Variants in MACROD2 observed in about 807,000 individuals in gnomAD.
The protein encoded by MACROD2 is mono-ADP ribosylhydrolase 2.
In MACROD2, 36 loss-of-function variants were observed where a neutral mutation model predicts 70.4. The observed-to-expected ratio is 0.51, with a 90% CI of 0.39 to 0.68. The LOEUF is 0.68. Among genes scored for constraint, MACROD2 ranks in the 30% least tolerant of loss-of-function variants. The pLI, the probability that MACROD2 is intolerant of heterozygous loss-of-function variation, is 0.00. For synonymous variants in MACROD2, 172 were observed against 178.8 expected (o/e 0.96, Z 0.30); for missense variants, 496 against 538.4 (o/e 0.92, Z 0.78).
At chr20:14,456,655 C>T (rs775249299) in intron 3 of MACROD2, among the ~76,000 whole-genome samples, 1 of 149,242 alleles carries the variant, frequency 6.7e-6, no homozygotes, top group Non-Finnish European at 1.5e-5. Flanking sequence ...CTAAAATATA[C>T]TATGCAATTC....
intron 15 of MACROD2, among the ~76,000 whole-genome samples, chr20:16,029,842 A>T (rs1601349164): frequency 1.3e-5 from 2 of 152,286 alleles, no homozygotes; most frequent in South Asian, 4.1e-4. Flanking sequence ...CCAATAACAA[A>T]TGACTAGAAC....
chr20:13,997,309 GTTACT>G (rs1218969733), intron 1 of MACROD2, among the ~76,000 whole-genome samples: 1 of 152,108 alleles, frequency 6.6e-6, no homozygotes, highest in Non-Finnish European at 1.5e-5. Context: ...TTCAGTAGTA[GTTACT>G]TTAGTTTCAA....
intron 3 of MACROD2, among the ~76,000 whole-genome samples, chr20:14,317,261 T>C (rs748372076): frequency 6.6e-6 from 1 of 152,182 alleles, no homozygotes; most frequent in African/African-American, 2.4e-5. Context: ...CATAGCACCA[T>C]GTTTTTCTCT....
intron 12 of MACROD2, among the ~76,000 whole-genome samples, chr20:15,956,633 C>T (rs927679156): frequency 3.3e-5 from 5 of 152,156 alleles, no homozygotes; most frequent in African/African-American, 1.2e-4. Context: ...GGCAATGGCT[C>T]TCAAAGAGTG....
chr20:14,674,437 C>T (rs1046289049), intron 4 of MACROD2, among the ~76,000 whole-genome samples: 4 of 152,030 alleles, frequency 2.6e-5, no homozygotes, highest in South Asian at 2.1e-4. Flanking sequence ...ATACTTGCTG[C>T]GTGCCAGACA....
At chr20:14,552,424 G>T (rs1978720921) in intron 4 of MACROD2, among the ~76,000 whole-genome samples, 1 of 151,078 alleles carries the variant, frequency 6.6e-6, no homozygotes, top group South Asian at 2.1e-4. Flanking sequence ...GCTACAAGAA[G>T]AGTAAAGTGC....
At chr20:15,438,079 C>T (rs894619586) in intron 7 of MACROD2, among the ~76,000 whole-genome samples, 1 of 151,752 alleles carries the variant, frequency 6.6e-6, no homozygotes. Flanking sequence ...TGCTGGAACC[C>T]GGGAGGTGGA....
At chr20:15,095,058 CCTCTTCTTTTTTT>C (rs1338410740) in intron 5 of MACROD2, among the ~76,000 whole-genome samples, 4 of 58,020 alleles carry the variant, frequency 6.9e-5, no homozygotes, top group South Asian at 5.5e-4. Flanking sequence ...ACTGTGGTCT[CCTCTTCTTTTTTT>C]TTTTTTTTTT....
intron 8 of MACROD2, among the ~76,000 whole-genome samples, chr20:15,787,279 A>G (rs1172594057): frequency 6.6e-6 from 1 of 152,176 alleles, no homozygotes; most frequent in African/African-American, 2.4e-5. Flanking sequence ...CTGTTGGCAT[A>G]CATAGTTTTA....
intron 8 of MACROD2, among the ~76,000 whole-genome samples, chr20:15,839,370 G>A (rs1158513171): frequency 6.6e-6 from 1 of 152,068 alleles, no homozygotes; most frequent in African/African-American, 2.4e-5. Flanking sequence ...AGTACATCCC[G>A]ATTCCTTGAC....
intron 3 of MACROD2, among the ~76,000 whole-genome samples, chr20:14,255,731 A>G (rs2122290897): frequency 6.6e-6 from 1 of 150,442 alleles, no homozygotes; most frequent in African/African-American, 2.4e-5. Flanking sequence ...ATAAAAAAGA[A>G]AATGTCATTC....
At chr20:14,470,637 T>C (rs749984626) in intron 3 of MACROD2, among the ~76,000 whole-genome samples, 6 of 152,092 alleles carry the variant, frequency 3.9e-5, no homozygotes, top group Admixed American at 3.9e-4. Context: ...TGGAGGAATC[T>C]AGAGAGGCAG....
intron 15 of MACROD2, among the ~76,000 whole-genome samples, chr20:16,038,880 A>G (rs1307076357): frequency 1.3e-5 from 2 of 151,932 alleles, no homozygotes; most frequent in African/African-American, 4.8e-5. Context: ...CTATAATTCA[A>G]TCAGGAATTG....
At chr20:15,215,252 T>TTGTGTGTGTG (rs376439581) in intron 5 of MACROD2, among the ~76,000 whole-genome samples, 120 of 135,544 alleles carry the variant, frequency 8.9e-4, no homozygotes, top group African/African-American at 2.5e-3. Context: ...CTCCTGTATT[T>TTGTGTGTGTG]TGTGTGTGTG....
chr20:14,641,456 A>C (rs1259920223), intron 4 of MACROD2, among the ~76,000 whole-genome samples: 4 of 152,184 alleles, frequency 2.6e-5, no homozygotes, highest in Admixed American at 2.6e-4. Context: ...AGAATGGTAA[A>C]TCCTTTCCAG....
At chr20:15,236,583 C>G (rs1432231544) in intron 6 of MACROD2, among the ~76,000 whole-genome samples, 1 of 152,204 alleles carries the variant, frequency 6.6e-6, no homozygotes, top group Non-Finnish European at 1.5e-5. Flanking sequence ...GTGATTTCTT[C>G]CATCTTAGAG....
chr20:15,500,710 C>T (rs570508635), intron 8 of MACROD2, among the ~76,000 whole-genome samples: 3 of 152,154 alleles, frequency 2.0e-5, no homozygotes, highest in African/African-American at 4.8e-5. Flanking sequence ...AAACAGGTGA[C>T]GGGGTTTTCA....
At chr20:15,074,400 G>A (rs761067730) in intron 5 of MACROD2, among the ~76,000 whole-genome samples, 2 of 152,178 alleles carry the variant, frequency 1.3e-5, no homozygotes, top group South Asian at 2.1e-4. Context: ...CGACTGGAGG[G>A]TACCCCCCTG....
At chr20:15,657,165 T>C (rs1397011951) in intron 8 of MACROD2, among the ~76,000 whole-genome samples, 3 of 152,040 alleles carry the variant, frequency 2.0e-5, no homozygotes, top group Non-Finnish European at 4.4e-5. Context: ...ACATGGAAAA[T>C]TTAAAAATTA....
Sources: allele counts gnomAD v4.1 joint callset (sites outside exome capture counted in the v4.1 genomes callset), GRCh38; gene constraint gnomAD v4.1.1; transcripts MANE v1.5; gene names NCBI Gene and HGNC (gene_info 2026-07-23, HGNC 2026-07-21).